Variants in CDK6 observed in about 807,000 individuals in gnomAD.
CDK6 encodes the protein cyclin dependent kinase 6.
In CDK6, 6 loss-of-function variants were observed where a neutral mutation model predicts 37.1. The observed-to-expected ratio is 0.16, with a 90% confidence interval of 0.09 to 0.32. The LOEUF is 0.32. Ranked by LOEUF, CDK6 falls within the 10% of genes least tolerant of loss-of-function variation. The pLI, the probability that CDK6 is intolerant of heterozygous loss-of-function variation, is 1.00. For synonymous variants in CDK6, 160 were observed against 161.3 expected (o/e 0.99, Z 0.06); for missense variants, 224 against 418.9 (o/e 0.53, Z 4.06).
intron 6 of CDK6, among the ~76,000 whole-genome samples, chr7:92,622,017 T>C (rs1795814966): frequency 1.3e-5 from 2 of 151,822 alleles, no homozygotes; most frequent in African/African-American, 2.4e-5. Context: ...GTTTTTTTTT[T>C]TTTTTCAGTC....
intron 2 of CDK6, among the ~76,000 whole-genome samples, chr7:92,794,488 C>T (rs947003850): frequency 2.6e-5 from 4 of 152,096 alleles, no homozygotes; most frequent in Non-Finnish European, 4.4e-5. Flanking sequence ...TTATTGGATC[C>T]TAAAAATACT....
intron 2 of CDK6, among the ~76,000 whole-genome samples, chr7:92,785,498 C>G (rs1800106705): frequency 6.6e-6 from 1 of 152,150 alleles, no homozygotes; most frequent in South Asian, 2.1e-4. Flanking sequence ...AGTAAGTATA[C>G]TGACCTGAAG....
At chr7:92,831,438 G>A (rs778308604) in intron 2 of CDK6, among the ~76,000 whole-genome samples, 1 of 152,118 alleles carries the variant, frequency 6.6e-6, no homozygotes, top group Non-Finnish European at 1.5e-5. Flanking sequence ...AAGAACTTCC[G>A]TCTTAAAATT....
intron 4 of CDK6, among the ~76,000 whole-genome samples, chr7:92,679,727 CT>C (rs947573481): frequency 2.7e-5 from 4 of 149,224 alleles, no homozygotes; most frequent in East Asian, 2.0e-4. Flanking sequence ...AAATTTACTT[CT>C]TTTTTTTTTC....
intron 3 of CDK6, among the ~76,000 whole-genome samples, chr7:92,758,443 ATGTG>A (rs1171000035): frequency 6.6e-6 from 1 of 152,136 alleles, no homozygotes; most frequent in East Asian, 1.9e-4. Flanking sequence ...AGATGGTCAT[ATGTG>A]TGTGGCCTCA....
chr7:92,753,464 T>C (rs1176479401), intron 3 of CDK6, among the ~76,000 whole-genome samples: 1 of 152,194 alleles, frequency 6.6e-6, no homozygotes, highest in Non-Finnish European at 1.5e-5. Flanking sequence ...TTTTTAGATA[T>C]ACTTAAAATT....
chr7:92,685,099 C>T (rs1381940854), intron 4 of CDK6, among the ~76,000 whole-genome samples: 1 of 152,116 alleles, frequency 6.6e-6, no homozygotes, highest in Admixed American at 6.5e-5. Flanking sequence ...CATATCTCTT[C>T]TATGAGCAGA....
chr7:92,685,768 T>TA (rs1797437785), intron 4 of CDK6, among the ~76,000 whole-genome samples: 1 of 152,214 alleles, frequency 6.6e-6, no homozygotes, highest in African/African-American at 2.4e-5. Context: ...GTTTCTATCT[T>TA]AAATCAGCAT....
At chr7:92,678,254 A>G (rs1485241974) in intron 4 of CDK6, among the ~76,000 whole-genome samples, 1 of 152,254 alleles carries the variant, frequency 6.6e-6, no homozygotes, top group Admixed American at 6.5e-5. Flanking sequence ...ATCCGTAACA[A>G]AAGTCGCTAC....
At chr7:92,786,736 GTA>G (rs201002161) in intron 2 of CDK6, among the ~76,000 whole-genome samples, 2 of 148,694 alleles carry the variant, frequency 1.3e-5, no homozygotes, top group Admixed American at 6.7e-5. Flanking sequence ...TAATGTATAT[GTA>G]TATATATATA....
intron 3 of CDK6, among the ~76,000 whole-genome samples, chr7:92,757,863 G>A (rs1318191304): frequency 6.6e-6 from 1 of 152,150 alleles, no homozygotes; most frequent in African/African-American, 2.4e-5. Context: ...GGTGTGAGAT[G>A]GTAACTCATT....
At chr7:92,621,322 G>C (rs1032022584) in intron 6 of CDK6, among the ~76,000 whole-genome samples, 7 of 152,170 alleles carry the variant, frequency 4.6e-5, no homozygotes, top group Admixed American at 6.5e-5. Context: ...TTTGCTGTTG[G>C]CAACCTACGA....
In CDK6 at chr7:92,835,944, G is replaced by A. The variant is rs1037784283; in HGVS notation, c.-368+534C>T. ...GCACTTTTCTGTGTATAACACGCCCGCAGGAAGCCTGCGTTAACATTTATC... is the reference window on the plus strand; with the variant it reads ...GCACTTTTCTGTGTATAACACGCCCACAGGAAGCCTGCGTTAACATTTATC... On this transcript the variant is annotated intron_variant, in intron 1 of 7. Transcript: ENST00000424848. This position sits in a 1 kb window ranked among gnomAD's most constrained non-coding sequence, Gnocchi z 4.2. Among the ~76,000 whole-genome samples the A allele has an allele frequency of 1.3e-5, 2 of 152,246 alleles. No individual in the cohort carries two copies. Among genetic ancestry groups the A allele is most frequent in the African/African-American group, 2.4e-5 (1 of 41,458 alleles).
chr7:92,664,603 T>C (rs1442657425), intron 5 of CDK6, among the ~76,000 whole-genome samples: 1 of 152,164 alleles, frequency 6.6e-6, no homozygotes, highest in African/African-American at 2.4e-5. Flanking sequence ...AGGCAATATA[T>C]GACAAATCAG....
intron 2 of CDK6, among the ~76,000 whole-genome samples, chr7:92,808,105 A>G (rs1182368164): frequency 6.6e-6 from 1 of 152,236 alleles, no homozygotes; most frequent in Non-Finnish European, 1.5e-5. Flanking sequence ...AAAATAAAAA[A>G]AACTAGACAC....
chr7:92,690,049 A>T (rs189187758), intron 4 of CDK6, among the ~76,000 whole-genome samples: 3 of 151,822 alleles, frequency 2.0e-5, no homozygotes, highest in African/African-American at 4.8e-5. Flanking sequence ...GTTTGCAAAA[A>T]TTTTCTCCCA....
chr7:92,625,502 T>C (rs970599875), intron 5 of CDK6, among the ~76,000 whole-genome samples: 5 of 150,498 alleles, frequency 3.3e-5, no homozygotes, highest in Non-Finnish European at 7.4e-5. Context: ...AATTCTGAAT[T>C]GGCAATATCA....
chr7:92,782,005 G>A (rs752742680), intron 2 of CDK6, among the ~76,000 whole-genome samples: 17 of 152,274 alleles, frequency 1.1e-4, no homozygotes, highest in Non-Finnish European at 2.4e-4. Flanking sequence ...AAATGGTATA[G>A]CTCCAGGAGT....
intron 7 of CDK6, among the ~76,000 whole-genome samples, chr7:92,617,679 AGTT>A (rs1221287490): frequency 6.6e-6 from 1 of 152,238 alleles, no homozygotes; most frequent in African/African-American, 2.4e-5. Context: ...ATCTCCCCAA[AGTT>A]GTGAATGTTT....
Sources: allele counts gnomAD v4.1 joint callset (sites outside exome capture counted in the v4.1 genomes callset), GRCh38; gene constraint gnomAD v4.1.1; non-coding constraint Gnocchi (gnomAD v3.1); transcripts MANE v1.5; gene names NCBI Gene and HGNC (gene_info 2026-07-23, HGNC 2026-07-21).